The following ZFPM2 variants were observed in gnomAD, a reference collection of about 807,000 sequenced individuals.
ZFPM2 encodes the protein zinc finger protein ZFPM2.
ZFPM2 carries 20 observed loss-of-function variants against 98.6 expected under a neutral mutation model. The observed-to-expected ratio is 0.20, with a 90% confidence interval of 0.14 to 0.29. ZFPM2 has a LOEUF of 0.29. Among genes scored for constraint, ZFPM2 ranks in the 10% least tolerant of loss-of-function variants. The probability of loss-of-function intolerance (pLI) is 1.00; values close to 1 mark genes in which losing one functional copy is unlikely to be tolerated. For synonymous variants in ZFPM2, 518 were observed against 502.7 expected, an observed-to-expected ratio of 1.03 and a Z score of -0.41; for missense variants, 1,310 against 1,388.6, an observed-to-expected ratio of 0.94 and a Z score of 0.90.
chr8:105,392,236 C>T (rs556126104), intron 1 of ZFPM2, among the ~76,000 whole-genome samples: 6 of 152,218 alleles, frequency 3.9e-5, no homozygotes, highest in Admixed American at 1.3e-4. Context: ...TGAAGTTAAC[C>T]CAATCTTTAC....
At chr8:105,701,817 T>C (rs2130958256) in intron 5 of ZFPM2, among the ~76,000 whole-genome samples, 1 of 152,326 alleles carries the variant, frequency 6.6e-6, no homozygotes, top group South Asian at 2.1e-4. Context: ...AGTATATATA[T>C]TTTTTAAGCC....
intron 5 of ZFPM2, among the ~76,000 whole-genome samples, chr8:105,657,437 C>T (rs1254249780): frequency 6.6e-6 from 1 of 152,104 alleles, no homozygotes; most frequent in African/African-American, 2.4e-5. Flanking sequence ...TCGCACCTGG[C>T]CGTAATGCTC....
intron 6 of ZFPM2, among the ~76,000 whole-genome samples, chr8:105,789,190 T>A (rs1813518572): frequency 6.6e-6 from 1 of 152,072 alleles, no homozygotes; most frequent in East Asian, 1.9e-4. Context: ...ACCCACTAAC[T>A]CGTCATCTAG....
chr8:105,333,808 A>G (rs934917633), intron 1 of ZFPM2, among the ~76,000 whole-genome samples: 5 of 151,640 alleles, frequency 3.3e-5, no homozygotes, highest in African/African-American at 1.2e-4. Context: ...AAAAATCAGT[A>G]TGGCATGTAC....
At chr8:105,376,381 C>T (rs1437835906) in intron 1 of ZFPM2, among the ~76,000 whole-genome samples, 4 of 152,176 alleles carry the variant, frequency 2.6e-5, no homozygotes, top group African/African-American at 9.7e-5. Context: ...TACTCTTTCT[C>T]CAGGTGATGA....
chr8:105,558,528 C>A (rs76114583), intron 3 of ZFPM2, among the ~76,000 whole-genome samples: 2,282 of 152,248 alleles, frequency 0.015, 26 homozygotes, highest in East Asian at 0.063. Context: ...AAAGACACTT[C>A]AGAAACTTTG....
chr8:105,591,585 G>T (rs1180693723), intron 4 of ZFPM2, among the ~76,000 whole-genome samples: 2 of 152,036 alleles, frequency 1.3e-5, no homozygotes, highest in Non-Finnish European at 2.9e-5. Flanking sequence ...TTTATTTAAA[G>T]ACTTGTTTTT....
intron 3 of ZFPM2, among the ~76,000 whole-genome samples, chr8:105,553,065 C>T (rs1814900937): frequency 2.0e-5 from 3 of 151,964 alleles, no homozygotes; most frequent in Non-Finnish European, 4.4e-5. Flanking sequence ...CCCTCCTTGG[C>T]CTCACAAATT....
chr8:105,584,936 A>C (rs988596359), intron 4 of ZFPM2, among the ~76,000 whole-genome samples: 1 of 152,190 alleles, frequency 6.6e-6, no homozygotes, highest in African/African-American at 2.4e-5. Context: ...CTGTGTAATG[A>C]GAGAAGTGCT....
At chr8:105,510,473 A>G (rs571316204) in intron 3 of ZFPM2, among the ~76,000 whole-genome samples, 2 of 149,822 alleles carry the variant, frequency 1.3e-5, no homozygotes, top group Admixed American at 1.3e-4. Context: ...GAGATGATTC[A>G]CTATAATGAA....
intron 1 of ZFPM2, among the ~76,000 whole-genome samples, chr8:105,400,901 A>T (rs1474395392): frequency 6.6e-6 from 1 of 152,072 alleles, no homozygotes; most frequent in African/African-American, 2.4e-5. Flanking sequence ...ATGCAGAATT[A>T]TAGAATATGT....
chr8:105,557,882 C>A (rs1815035447), intron 3 of ZFPM2, among the ~76,000 whole-genome samples: 1 of 152,140 alleles, frequency 6.6e-6, no homozygotes, highest in South Asian at 2.1e-4. Context: ...CAGTGCCCTT[C>A]TACTTCTCAT....
chr8:105,606,806 T>C (rs1379216661), intron 4 of ZFPM2, among the ~76,000 whole-genome samples: 3 of 152,088 alleles, frequency 2.0e-5, no homozygotes, highest in African/African-American at 4.8e-5. Flanking sequence ...AACTGAAGCT[T>C]TGAGAAACAA....
Position 105,801,523 on chromosome 8 carries a change from T to C in ZFPM2, c.1441T>C (p.Ser481Pro). Residue 481 changes from serine (S) to proline (P), a missense_variant, in exon 8 of 8, where the codon TCA (serine) becomes CCA (proline). By Grantham distance (74) the Ser-to-Pro change is moderately conservative. Transcript: ENST00000407775. ...TGAGCCCTCTAGCCCAAGACTTGCC[T>C]CATCTCCAGTTCAGCCTAATATTGG... ...KSEPSSPRLA[S>P]SPVQPNIGPS... 6.2e-7 allele frequency: 1 copy of C among 1,613,964 alleles called. No individual in the cohort carries two copies. The highest frequency in any genetic ancestry group is 8.5e-7 in the Non-Finnish European group (1 of 1,179,876).
In ZFPM2 at chr8:105,658,586, CAAAAA is replaced by C. The variant is rs773181953; in HGVS notation, c.532+24250_532+24254del. On this transcript the variant is annotated intron_variant, in intron 5 of 7. Coordinates refer to ENST00000407775, the MANE Select transcript of ZFPM2 (RefSeq NM_012082.4). ...CCTGGGCGACAGCGAGACTCCGTCT[CAAAAA>C]AAAAAAAAAAAAAAAAAAAAGAAAT... Among the ~76,000 whole-genome samples, 4 of 7,906 alleles carry C rather than the reference CAAAAA, an allele frequency of 5.1e-4. 1 individual carries two copies. Among genetic ancestry groups the C allele is most frequent in the African/African-American group, 7.1e-4 (1 of 1,418 alleles). 5.2% of individuals were successfully genotyped at this position (7,906 alleles called of 152,430 possible).
chr8:105,365,765 C>T (rs1810493408), intron 1 of ZFPM2, among the ~76,000 whole-genome samples: 1 of 152,100 alleles, frequency 6.6e-6, no homozygotes, highest in Non-Finnish European at 1.5e-5. Flanking sequence ...CAGCCAGGAC[C>T]ACCTTACTTA....
At chr8:105,723,250 T>A (rs1735868478) in intron 5 of ZFPM2, among the ~76,000 whole-genome samples, 2 of 152,004 alleles carry the variant, frequency 1.3e-5, no homozygotes, top group South Asian at 4.1e-4. Context: ...TGGACACAGT[T>A]TTCTCCAGTA....
chr8:105,714,359 C>A (rs1811470481), intron 5 of ZFPM2, among the ~76,000 whole-genome samples: 1 of 151,932 alleles, frequency 6.6e-6, no homozygotes, highest in African/African-American at 2.4e-5. Context: ...ATGTAGGAAC[C>A]TTTTGGCAGA....
In ZFPM2 at chr8:105,579,372, C is replaced by T. The variant is rs1563728177; in HGVS notation, c.420+17891C>T. On this transcript the variant is annotated intron_variant, in intron 4 of 7. Coordinates refer to ENST00000407775, the MANE Select transcript of ZFPM2 (RefSeq NM_012082.4). ...TACTTAATTGAGTCTGTTCAGATCT[C>T]CAAATTTCTTCCCCCATCTTCACTC... Among the ~76,000 whole-genome samples the T allele has an allele frequency of 3.3e-5, 5 of 152,110 alleles. 1 individual carries two copies. In the South Asian group the frequency reaches 6.2e-4, roughly 19 times the overall value.
Sources: gnomAD v4.1 joint callset for allele counts (sites outside exome capture counted in the v4.1 genomes callset) on GRCh38, gnomAD v4.1.1 for gene constraint, MANE v1.5 for transcripts, NCBI Gene and HGNC (gene_info 2026-07-23, HGNC 2026-07-21) for gene names.